POT1: variants seen among roughly 807,000 people sequenced by gnomAD.
POT1 encodes protection of telomeres protein 1.
Under a neutral mutation model 78.5 loss-of-function variants are expected in POT1, and 47 were observed. That is an observed-to-expected ratio of 0.60 (90% CI 0.47 to 0.76). The LOEUF is 0.76. Ranked by LOEUF, POT1 falls within the 30% of genes least tolerant of loss-of-function variation. The probability of loss-of-function intolerance (pLI) is 0.00; values close to 1 mark genes in which losing one functional copy is unlikely to be tolerated. For missense variants in POT1, 646 were observed against 749.9 expected, an observed-to-expected ratio of 0.86 and a Z score of 1.62; for synonymous variants, 259 against 260.7, an observed-to-expected ratio of 0.99 and a Z score of 0.06.
chr7:124,879,392 G>A (rs897556637), intron 6 of POT1, among the ~76,000 whole-genome samples: 2 of 152,118 alleles, frequency 1.3e-5, no homozygotes, highest in Admixed American at 1.3e-4. Context: ...CCACCTGCTA[G>A]CATAGGGAAT....
intron 9 of POT1, among the ~76,000 whole-genome samples, chr7:124,856,679 C>T (rs1795454559): frequency 6.6e-6 from 1 of 151,972 alleles, no homozygotes; most frequent in Non-Finnish European, 1.5e-5. Context: ...CATTGGAAGA[C>T]CTGTTTGGAA....
intron 5 of POT1, among the ~76,000 whole-genome samples, chr7:124,894,015 A>C (rs2116634231): frequency 6.6e-6 from 1 of 151,718 alleles, no homozygotes; most frequent in East Asian, 1.9e-4. Context: ...TAAGTTGGGA[A>C]AGAAAAGGGA....
chr7:124,865,203 A>ATC (rs1795690932), intron 7 of POT1, among the ~76,000 whole-genome samples: 1 of 152,190 alleles, frequency 6.6e-6, no homozygotes, highest in East Asian at 1.9e-4. Context: ...CCAACAATGC[A>ATC]TCATTTTTTT....
intron 6 of POT1, among the ~76,000 whole-genome samples, chr7:124,887,415 T>G (rs964508236): frequency 6.6e-6 from 1 of 152,040 alleles, no homozygotes; most frequent in Non-Finnish European, 1.5e-5. Flanking sequence ...ACACACAGAC[T>G]AGTTTTTTTT....
At chr7:124,912,822 TC>T (rs1406060593) in intron 3 of POT1, among the ~76,000 whole-genome samples, 7 of 152,090 alleles carry the variant, frequency 4.6e-5, no homozygotes, top group Admixed American at 1.3e-4. Flanking sequence ...AGGCTCCAGT[TC>T]CAGAAAGCCA....
At chr7:124,886,435 T>C (rs1385165774) in intron 6 of POT1, among the ~76,000 whole-genome samples, 1 of 152,186 alleles carries the variant, frequency 6.6e-6, no homozygotes, top group Non-Finnish European at 1.5e-5. Context: ...GGTTATCTTT[T>C]CCTGAACACA....
At chr7:124,849,345 G>C (rs990260495) in intron 11 of POT1, among the ~76,000 whole-genome samples, 2 of 152,110 alleles carry the variant, frequency 1.3e-5, no homozygotes, top group African/African-American at 2.4e-5. Flanking sequence ...AAGAGTAAGA[G>C]CAGAAAATCT....
At chr7:124,879,544 G>A (rs1455074919) in intron 6 of POT1, among the ~76,000 whole-genome samples, 1 of 152,008 alleles carries the variant, frequency 6.6e-6, no homozygotes, top group East Asian at 1.9e-4. Flanking sequence ...TTTAGTTTTT[G>A]TTTTGTTTTG....
chr7:124,825,404 C>A (rs1794606601), intron 17 of POT1, 47 bp from the exon 18 acceptor site: 3 of 1,162,154 alleles, frequency 2.6e-6, no homozygotes, highest in East Asian at 2.5e-5. Flanking sequence ...AATATTAATC[C>A]TTTTTAATGT....
chr7:124,850,845 G>A (rs1795289625), intron 11 of POT1, among the ~76,000 whole-genome samples: 1 of 151,870 alleles, frequency 6.6e-6, no homozygotes, highest in East Asian at 1.9e-4. Flanking sequence ...TTATTGAGAT[G>A]GAAAGAGAAT....
intron 15 of POT1, 144 bp downstream of exon 15, chr7:124,835,135 C>T: frequency 1.1e-6 from 1 of 941,208 alleles, no homozygotes; most frequent in Non-Finnish European, 1.5e-6. Flanking sequence ...GGAGAAATGC[C>T]TAATGCAGGT....
chr7:124,917,108 G>A (rs1463319416), intron 2 of POT1, among the ~76,000 whole-genome samples: 1 of 152,140 alleles, frequency 6.6e-6, no homozygotes, highest in Non-Finnish European at 1.5e-5. Flanking sequence ...GACCTATACA[G>A]CTAGAGGCAA....
At chr7:124,827,375 GT>G in intron 16 of POT1, 70 bp from the exon 17 acceptor site, 2 of 893,450 alleles carry the variant, frequency 2.2e-6, no homozygotes, top group Non-Finnish European at 3.4e-6. Context: ...AGTTAAAATT[GT>G]TTTATGATAG....
chr7:124,887,470 T>C lies in POT1; in HGVS notation c.124+4796A>G, dbSNP rs79433161. On this transcript the variant is annotated intron_variant, in intron 6 of 18. Coordinates refer to ENST00000357628, the MANE Select transcript of POT1 (RefSeq NM_015450.3). ...TATGCTGACCACAAGAAAAAGATTT[T>C]CCCACATCCACCTGACCAAAGAGTA... Among the ~76,000 whole-genome samples the C allele has an allele frequency of 6.2e-3, 940 of 152,204 alleles. 10 individuals are homozygous for C. The highest frequency in any genetic ancestry group is 0.021 in the African/African-American group (882 of 41,558).
intron 6 of POT1, among the ~76,000 whole-genome samples, chr7:124,886,450 T>C (rs1289398578): frequency 2.0e-5 from 3 of 152,150 alleles, no homozygotes; most frequent in South Asian, 4.1e-4. Flanking sequence ...AACACAAATA[T>C]CAGTGCTATT....
rs1794565160 is a variant in POT1, at chr7:124,823,846, C to G, written c.*116G>C. 1.4e-6 allele frequency: 1 copy of G among 694,048 alleles called. No homozygotes were observed. The highest frequency in any genetic ancestry group is 1.8e-5 in the African/African-American group (1 of 54,760). The allele number at this position is 694,048 out of a possible 1,614,324, so 43.0% of individuals were successfully genotyped here. On this transcript the variant is annotated 3_prime_UTR_variant, in exon 19 of 19. Transcript: ENST00000357628. ...ATTTAAGGTAAGGACATTTTCTAAT[C>G]CCATACCCATGCTAACATCATCAAC...
chr7:124,863,788 A>G lies in POT1; in HGVS notation c.256-148T>C, dbSNP rs1397126783. The G allele has an allele frequency of 4.7e-6, 3 of 640,952 alleles. No individual in the cohort carries two copies. The African/African-American group carries it at 5.5e-5, about 12-fold the overall frequency. The allele number at this position is 640,952 out of a possible 1,614,324, so 39.7% of individuals were successfully genotyped here. ...TTTAAAAACTATTTTTCATTTAATT[A>G]GCATGTAAATTCTACACTCAAGTGC... On this transcript the variant is annotated intron_variant, in intron 7 of 18. Coordinates refer to ENST00000357628, the MANE Select transcript of POT1 (RefSeq NM_015450.3).
At chr7:124,877,197 A>T (rs1286546156) in intron 6 of POT1, among the ~76,000 whole-genome samples, 2 of 152,232 alleles carry the variant, frequency 1.3e-5, no homozygotes, top group Admixed American at 6.5e-5. Context: ...TTTTCTATCA[A>T]CATGACTGGG....
At chr7:124,852,645 A>G (rs1411408322) in intron 10 of POT1, among the ~76,000 whole-genome samples, 1 of 152,154 alleles carries the variant, frequency 6.6e-6, no homozygotes, top group Non-Finnish European at 1.5e-5. Flanking sequence ...AATCTTAGAT[A>G]TGTATCAAAT....
Sources: gnomAD v4.1 joint callset for allele counts (sites outside exome capture counted in the v4.1 genomes callset) on GRCh38, gnomAD v4.1.1 for gene constraint, MANE v1.5 for transcripts, NCBI Gene and HGNC (gene_info 2026-07-23, HGNC 2026-07-21) for gene names.